Variants in ATG13 observed in about 807,000 individuals in gnomAD.
ATG13 encodes autophagy related 13.
A neutral mutation model predicts 65.5 loss-of-function variants in ATG13; 23 were observed. That is an observed-to-expected ratio of 0.35 (90% CI 0.25 to 0.50). The LOEUF (loss-of-function observed/expected upper bound fraction) is 0.50. ATG13 is among the 20% of genes least tolerant of loss of function. The pLI, the probability that ATG13 is intolerant of heterozygous loss-of-function variation, is 0.98. For missense variants in ATG13, 566 were observed against 677.0 expected (o/e 0.84, Z 1.82); for synonymous variants, 252 against 245.2 (o/e 1.03, Z -0.26).
chr11:46,633,051 G>T (rs181595296), intron 2 of ATG13, among the ~76,000 whole-genome samples: 2,200 of 138,764 alleles, frequency 0.016, 77 homozygotes, highest in African/African-American at 0.056. Flanking sequence ...TGGCAACGGG[G>T]TCTTGCTCTG....
chr11:46,634,133 A>G (rs1393318373), intron 2 of ATG13, among the ~76,000 whole-genome samples: 1 of 150,636 alleles, frequency 6.6e-6, no homozygotes, highest in Non-Finnish European at 1.5e-5. Flanking sequence ...GTCTTGCTCT[A>G]TCGCCAGGCT....
chr11:46,651,014 TTTAA>T (rs1356455159), intron 7 of ATG13, among the ~76,000 whole-genome samples: 1 of 152,212 alleles, frequency 6.6e-6, no homozygotes, highest in Non-Finnish European at 1.5e-5. Context: ...AGTTTAAGTT[TTTAA>T]TTAGTTGTCT....
At chr11:46,638,188 G>A (rs2054642454) in intron 2 of ATG13, among the ~76,000 whole-genome samples, 1 of 152,124 alleles carries the variant, frequency 6.6e-6, no homozygotes, top group South Asian at 2.1e-4. Context: ...TGTAATCCCA[G>A]AACTTTGGAA....
At chr11:46,623,206 A>G (rs2048347724) in intron 1 of ATG13, among the ~76,000 whole-genome samples, 1 of 152,032 alleles carries the variant, frequency 6.6e-6, no homozygotes, top group Non-Finnish European at 1.5e-5. Flanking sequence ...AGGCAGGAGA[A>G]TGGCACGAAC....
intron 1 of ATG13, among the ~76,000 whole-genome samples, chr11:46,622,172 C>T (rs1162325988): frequency 2.1e-5 from 3 of 141,860 alleles, no homozygotes; most frequent in South Asian, 2.2e-4. Flanking sequence ...GACTGGAGTG[C>T]GGTGAAGCAA....
At chr11:46,623,006 G>A (rs879333584) in intron 1 of ATG13, among the ~76,000 whole-genome samples, 5 of 152,082 alleles carry the variant, frequency 3.3e-5, no homozygotes, top group Non-Finnish European at 5.9e-5. Flanking sequence ...TTGAAAAAGT[G>A]TATTTGGGCC....
At chr11:46,652,551 C>T (rs1391366825) in intron 7 of ATG13, among the ~76,000 whole-genome samples, 1 of 151,982 alleles carries the variant, frequency 6.6e-6, no homozygotes, top group African/African-American at 2.4e-5. Flanking sequence ...CTTGTCTCTA[C>T]TAAAAATGTA....
chr11:46,622,107 ATATATATATATATATATATATT>A (rs1240706137), intron 1 of ATG13, among the ~76,000 whole-genome samples: 1 of 84,970 alleles, frequency 1.2e-5, no homozygotes, highest in East Asian at 3.4e-4. Context: ...ATATATATAT[ATATATATATATATATATATATT>A]TATTTTAGAG....
intron 7 of ATG13, 60 bp from the exon 8 acceptor site, chr11:46,656,173 C>T (rs865820190): frequency 1.3e-6 from 2 of 1,482,110 alleles, no homozygotes; most frequent in Middle Eastern, 3.5e-4. Flanking sequence ...CGTGTTTTGG[C>T]TATAGAGGCC....
chr11:46,637,222 T>G (rs1317373833), intron 2 of ATG13, among the ~76,000 whole-genome samples: 1 of 152,222 alleles, frequency 6.6e-6, no homozygotes, highest in Admixed American at 6.5e-5. Context: ...AACATACTGT[T>G]TATTGAGAGC....
At chr11:46,643,239 T>TG (rs1294988047) in intron 2 of ATG13, among the ~76,000 whole-genome samples, 3 of 152,168 alleles carry the variant, frequency 2.0e-5, no homozygotes, top group Admixed American at 2.0e-4. Context: ...CAGTTTAGCT[T>TG]GGGATCAACA....
In ATG13 at chr11:46,663,322, A is replaced by G. The variant is rs185898188; in HGVS notation, c.790-675A>G. ...AAGACCCAAAATAATCATCATGACC[A>G]TAATCATTATGCCCTTAAGTAGCTT... On this transcript the variant is annotated intron_variant, in intron 11 of 18. Transcript: ENST00000683050. 2.6e-5 allele frequency among the ~76,000 whole-genome samples: 4 copies of G among 151,144 alleles called. No individual in the cohort carries two copies. The East Asian group carries it at 7.8e-4, about 29-fold the overall frequency.
rs1565398512 is a variant in ATG13, at chr11:46,622,114, TA to T, written c.-70+4225del. ...ATATATATATATATATATATATATATATATATATATATATTTATTTTAGAGA... is the reference window on the plus strand; with the variant it reads ...ATATATATATATATATATATATATATTATATATATATATTTATTTTAGAGA... On this transcript the variant is annotated intron_variant, in intron 1 of 18. Coordinates refer to ENST00000683050, the MANE Select transcript of ATG13 (RefSeq NM_001346311.2). Among the ~76,000 whole-genome samples the T allele has an allele frequency of 1.6e-3, 146 of 89,122 alleles. 4 individuals carry two copies. The highest frequency in any genetic ancestry group is 6.3e-3 in the African/African-American group (123 of 19,572). 58.5% of individuals were successfully genotyped at this position (89,122 alleles called of 152,430 possible). A position where few individuals can be genotyped will look rare whatever the true frequency, so the allele number is the denominator to read the frequency against.
At chr11:46,661,154 T>C (rs2061112257) in intron 11 of ATG13, among the ~76,000 whole-genome samples, 2 of 152,168 alleles carry the variant, frequency 1.3e-5, no homozygotes, top group Admixed American at 1.3e-4. Context: ...GTCTCCCAAG[T>C]ACTGTTTTTG....
At chr11:46,646,163 T>C (rs1359223658) in intron 5 of ATG13, among the ~76,000 whole-genome samples, 174 bp downstream of exon 5, 1 of 152,200 alleles carries the variant, frequency 6.6e-6, no homozygotes, top group Non-Finnish European at 1.5e-5. Flanking sequence ...TGTTTTGTTT[T>C]TTTGAGACTG....
chr11:46,660,778 GGGTCAC>G (rs2061023816), intron 11 of ATG13, among the ~76,000 whole-genome samples: 1 of 151,424 alleles, frequency 6.6e-6, no homozygotes, highest in Admixed American at 6.6e-5. Flanking sequence ...GTGCAGTCAT[GGGTCAC>G]TGCAGCCTAG....
At chr11:46,619,799 G>A (rs1190251012) in intron 1 of ATG13, among the ~76,000 whole-genome samples, 1 of 151,894 alleles carries the variant, frequency 6.6e-6, no homozygotes, top group Non-Finnish European at 1.5e-5. Flanking sequence ...GGGGGCCGAG[G>A]CAGGCGAATC....
chr11:46,654,686 C>T (rs1386702841), intron 7 of ATG13, among the ~76,000 whole-genome samples: 3 of 151,992 alleles, frequency 2.0e-5, no homozygotes, highest in Admixed American at 1.3e-4. Flanking sequence ...CATACCACTG[C>T]ACTCCAGCAT....
chr11:46,669,536 T>G lies in ATG13; in HGVS notation c.1575+4T>G. ...ACAGTCCATGGCTGAAGACTTGGTA[T>G]GGAAACGTCTTCCTCTACCACAGTG... is the stretch of plus-strand genomic sequence containing the variant. On this transcript the variant is annotated splice_donor_region_variant and intron_variant, in intron 18 of 18. Transcript: ENST00000683050. 6.2e-7 allele frequency: 1 copy of G among 1,613,930 alleles called. No individual in the cohort carries two copies. Among genetic ancestry groups the G allele is most frequent in the South Asian group, 1.1e-5 (1 of 91,076 alleles).
Sources: gnomAD v4.1 joint callset for allele counts (sites outside exome capture counted in the v4.1 genomes callset) on GRCh38, gnomAD v4.1.1 for gene constraint, MANE v1.5 for transcripts, NCBI Gene and HGNC (gene_info 2026-07-23, HGNC 2026-07-21) for gene names.